MCPH1: variants seen among roughly 807,000 people sequenced by gnomAD.
MCPH1 encodes the protein microcephalin 1.
Under a neutral mutation model 84.5 loss-of-function variants are expected in MCPH1, and 104 were observed. That is an observed-to-expected ratio of 1.23 (90% confidence interval 1.05 to 1.45). MCPH1 has a LOEUF of 1.45. Ranked by LOEUF, MCPH1 falls within the 40% of genes most tolerant of loss-of-function variation. The probability of loss-of-function intolerance (pLI) is 0.00; values close to 1 mark genes in which losing one functional copy is unlikely to be tolerated. For synonymous variants in MCPH1, 514 were observed against 366.8 expected, an observed-to-expected ratio of 1.40 and a Z score of -4.58; for missense variants, 1,498 against 1,005.7, an observed-to-expected ratio of 1.49 and a Z score of -6.62.
At chr8:6,505,596 T>C (rs1489336131) in intron 12 of MCPH1, among the ~76,000 whole-genome samples, 1 of 126,318 alleles carries the variant, frequency 7.9e-6, no homozygotes, top group Non-Finnish European at 1.6e-5. Flanking sequence ...TTTGTATATA[T>C]GGAATATATA....
chr8:6,407,105 G>C (rs140584913), intron 1 of MCPH1: 315 of 293,672 alleles, frequency 1.1e-3, no homozygotes, highest in African/African-American at 7.1e-3. Context: ...TGCTGCCTTA[G>C]TCCCTGGATC....
intron 12 of MCPH1, among the ~76,000 whole-genome samples, chr8:6,526,661 A>G (rs1176569548): frequency 4.6e-5 from 7 of 152,260 alleles, no homozygotes; most frequent in Non-Finnish European, 1.0e-4. Context: ...GATTAACAGT[A>G]AAGAACAATT....
intron 12 of MCPH1, among the ~76,000 whole-genome samples, chr8:6,536,417 G>T (rs1820514946): frequency 6.6e-6 from 1 of 150,396 alleles, no homozygotes; most frequent in Non-Finnish European, 1.5e-5. Context: ...GAGCCAAAGT[G>T]ATATATCTCA....
chr8:6,626,702 G>C (rs1485745155), intron 13 of MCPH1: 1 of 985,082 alleles, frequency 1.0e-6, no homozygotes. Context: ...ACGAAACGAA[G>C]ACCCTGGGGT....
chr8:6,420,471 G>T (rs1346460189), intron 3 of MCPH1, among the ~76,000 whole-genome samples: 1 of 152,164 alleles, frequency 6.6e-6, no homozygotes, highest in East Asian at 1.9e-4. Context: ...CTCCGTGTCA[G>T]TGAGAATGTA....
rs35519559 is a variant in MCPH1, at chr8:6,526,257, T to TAAAAAAA, written c.2214+26350_2214+26356dup. On this transcript the variant is annotated intron_variant, in intron 12 of 13. Transcript: ENST00000344683. ...CAATATGGCAAAACCTTGCCTCTAC[T>TAAAAAAA]AAAAAAAAAAAAAAAAAAAAAAAAA... is the stretch of plus-strand genomic sequence containing the variant. Among the ~76,000 whole-genome samples, 28 of 77,500 alleles carry TAAAAAAA rather than the reference T, an allele frequency of 3.6e-4. 2 individuals carry two copies. The highest frequency in any genetic ancestry group is 1.2e-3 in the African/African-American group (28 of 23,606). The allele number at this position is 77,500 out of a possible 152,430, so 50.8% of individuals were successfully genotyped here. A position where few individuals can be genotyped will look rare whatever the true frequency, so the allele number is the denominator to read the frequency against.
intron 2 of MCPH1, among the ~76,000 whole-genome samples, chr8:6,410,704 A>G (rs987511012): frequency 7.2e-5 from 11 of 152,330 alleles, no homozygotes; most frequent in Non-Finnish European, 1.5e-4. Flanking sequence ...GAGTACTCAC[A>G]TCTTCATTCC....
At chr8:6,502,524 G>T (rs1157395882) in intron 12 of MCPH1, 3 of 152,126 alleles carry the variant, frequency 2.0e-5, no homozygotes, top group Admixed American at 6.6e-5. Context: ...AAAATTTAAA[G>T]CACCTAAGAG....
rs1265997498 is a variant in MCPH1 at position 6,414,892 on chromosome 8, T to G, written c.233+9T>G. On this transcript the variant is annotated intron_variant, in intron 3 of 13. Coordinates refer to ENST00000344683, the MANE Select transcript of MCPH1 (RefSeq NM_024596.5). ...GTGCTCTGGGTGGAAAAGTAAGCAG[T>G]TTCTCTCTTACTTTTTTTCCTTAAG... 6.2e-7 allele frequency: 1 copy of G among 1,612,852 alleles called. No individual in the cohort carries two copies. Among genetic ancestry groups the G allele is most frequent in the Admixed American group, 1.7e-5 (1 of 59,926 alleles).
intron 9 of MCPH1, among the ~76,000 whole-genome samples, chr8:6,469,018 A>G (rs146552937): frequency 2.0e-5 from 3 of 152,104 alleles, no homozygotes; most frequent in African/African-American, 7.2e-5. Flanking sequence ...GTGAGACCTC[A>G]TCTCTACTAA....
intron 12 of MCPH1, among the ~76,000 whole-genome samples, chr8:6,597,308 C>T (rs866704017): frequency 2.0e-5 from 3 of 152,166 alleles, no homozygotes; most frequent in Admixed American, 6.5e-5. Flanking sequence ...CACAGGCAAG[C>T]CCCAGCGTTT....
intron 12 of MCPH1, among the ~76,000 whole-genome samples, chr8:6,617,940 T>TATCTATCTA (rs1461097919): frequency 6.6e-6 from 1 of 151,948 alleles, no homozygotes; most frequent in Non-Finnish European, 1.5e-5. Flanking sequence ...TCTATCTATC[T>TATCTATCTA]ATCTTTCTAT....
chr8:6,447,081 C>T (rs536490441), intron 8 of MCPH1: 3 of 985,422 alleles, frequency 3.0e-6, no homozygotes, highest in Admixed American at 6.1e-5. Context: ...CTACAGTCAC[C>T]TGCCTTCATG....
intron 13 of MCPH1, among the ~76,000 whole-genome samples, chr8:6,631,013 CAGGTGCTCTAAA>C (rs756628649): frequency 7.2e-5 from 11 of 152,152 alleles, no homozygotes; most frequent in Non-Finnish European, 1.3e-4. Context: ...AGAGATGTTG[CAGGTGCTCTAAA>C]AGGTGCTCTA....
intron 3 of MCPH1, among the ~76,000 whole-genome samples, chr8:6,417,902 T>A (rs1799545001): frequency 6.6e-6 from 1 of 152,250 alleles, no homozygotes; most frequent in Non-Finnish European, 1.5e-5. Context: ...ATGTAGACTC[T>A]GGATTCTTTT....
intron 12 of MCPH1, among the ~76,000 whole-genome samples, chr8:6,614,005 A>G (rs13276344): frequency 0.53 from 79,992 of 152,066 alleles, 21,612 homozygotes; most frequent in Middle Eastern, 0.6. Context: ...TAAGGTCCAC[A>G]GGCTGCAGAC....
At chr8:6,413,761 T>G (rs1290034900) in intron 2 of MCPH1, among the ~76,000 whole-genome samples, 2 of 152,046 alleles carry the variant, frequency 1.3e-5, no homozygotes, top group Non-Finnish European at 2.9e-5. Context: ...ATCTTTTTTT[T>G]TTTTTTTTTT....
At position 6,562,731 on chromosome 8, in the gene MCPH1, G is replaced by A. The variant is rs781034722; in HGVS notation, c.2215-58723G>A. 8 of 1,613,484 alleles carry A rather than the reference G, an allele frequency of 5.0e-6. No individual in the cohort carries two copies. The Admixed American group carries it at 1.0e-4, about 20-fold the overall frequency. ...CCGAGTCATCGTATTCGAGCGGCGC[G>A]TCCCTCTGCACAGCATTGGACACGT... On this transcript the variant is annotated intron_variant, in intron 12 of 13. Coordinates refer to ENST00000344683, the MANE Select transcript of MCPH1 (RefSeq NM_024596.5).
At chr8:6,500,241 A>C (rs942800799) in intron 12 of MCPH1, 23 of 364,212 alleles carry the variant, frequency 6.3e-5, no homozygotes, top group Non-Finnish European at 1.1e-4. Context: ...ATCTTGCTTA[A>C]TGTTTTTACT....
Sources: allele counts gnomAD v4.1 joint callset (sites outside exome capture counted in the v4.1 genomes callset), GRCh38; gene constraint gnomAD v4.1.1; transcripts MANE v1.5; gene names NCBI Gene and HGNC (gene_info 2026-07-23, HGNC 2026-07-21).